The following TPTE variants were observed in gnomAD, a reference collection of about 807,000 sequenced individuals.
TPTE encodes transmembrane phosphatase with tensin homology.
A neutral mutation model predicts 84.1 loss-of-function variants in TPTE; 59 were observed. The ratio of observed to expected loss-of-function variants is 0.70; its 90% confidence interval spans 0.57 to 0.87. The LOEUF is 0.87. Ranked by LOEUF, TPTE falls within the 40% of genes least tolerant of loss-of-function variation. The pLI is 0.00. For synonymous variants in TPTE, 130 were observed against 223.5 expected (o/e 0.58, Z 3.73); for missense variants, 382 against 659.6 (o/e 0.58, Z 4.61).
intron 9 of TPTE, among the ~76,000 whole-genome samples, chr21:10,560,247 A>C (rs2074770327): frequency 1.3e-5 from 2 of 152,430 alleles, no homozygotes; most frequent in South Asian, 4.1e-4. Flanking sequence ...TTACTCTTTA[A>C]TTCTGGAAAC....
chr21:10,531,304 C>T (rs1304847546), intron 3 of TPTE, among the ~76,000 whole-genome samples: 1 of 152,306 alleles, frequency 6.6e-6, no homozygotes, highest in Admixed American at 6.5e-5. Flanking sequence ...TGAGTGAGTA[C>T]TCACTCTATT....
chr21:10,564,604 A>C (rs2074878382), intron 10 of TPTE, among the ~76,000 whole-genome samples: 1 of 152,298 alleles, frequency 6.6e-6, no homozygotes, highest in South Asian at 2.1e-4. Context: ...AATCCTCAAC[A>C]AGATACTAGA....
intron 10 of TPTE, among the ~76,000 whole-genome samples, chr21:10,562,352 A>G (rs1226731258): frequency 3.3e-3 from 500 of 152,116 alleles, no homozygotes; most frequent in African/African-American, 0.011. Context: ...CCCAGACACC[A>G]AAGAACATCT....
intron 20 of TPTE, among the ~76,000 whole-genome samples, chr21:10,597,287 G>A (rs1317478829): frequency 2.2e-4 from 33 of 152,266 alleles, no homozygotes; most frequent in Admixed American, 5.9e-4. Flanking sequence ...TTAAAGTAGG[G>A]CCAAAGTACT....
chr21:10,601,506 AAAAAG>A (rs1167760650), intron 21 of TPTE, among the ~76,000 whole-genome samples: 5 of 152,280 alleles, frequency 3.3e-5, no homozygotes, highest in African/African-American at 7.2e-5. Flanking sequence ...CAAACAAAAA[AAAAAG>A]AAAAGAAAAG....
intron 5 of TPTE, among the ~76,000 whole-genome samples, chr21:10,541,478 G>GGAA (rs1488705131): frequency 6.8e-6 from 1 of 147,728 alleles, no homozygotes; most frequent in Non-Finnish European, 1.5e-5. Context: ...TTGCAAAAAT[G>GGAA]AAAAAAAAAA....
chr21:10,536,764 G>A (rs560959723), intron 3 of TPTE, among the ~76,000 whole-genome samples: 9 of 152,418 alleles, frequency 5.9e-5, no homozygotes, highest in African/African-American at 1.9e-4. Flanking sequence ...AAGGAACAGG[G>A]CAAAAAAGGG....
intron 17 of TPTE, among the ~76,000 whole-genome samples, chr21:10,587,454 G>A (rs527326766): frequency 9.2e-5 from 14 of 152,404 alleles, no homozygotes; most frequent in Middle Eastern, 3.4e-3. Flanking sequence ...TCACTTATGA[G>A]TGAGAACATA....
At chr21:10,572,306 C>A (rs1321726473) in intron 14 of TPTE, among the ~76,000 whole-genome samples, 1 of 152,270 alleles carries the variant, frequency 6.6e-6, no homozygotes, top group East Asian at 1.9e-4. Context: ...AAAAAAATTA[C>A]CTGGGTGTGG....
chr21:10,549,264 C>G (rs541791712), intron 7 of TPTE, among the ~76,000 whole-genome samples: 1 of 152,416 alleles, frequency 6.6e-6, no homozygotes, highest in African/African-American at 2.4e-5. Context: ...GAAAAGGTGA[C>G]TTTTTCACCA....
rs147105244 is a variant in TPTE at position 10,598,093 on chromosome 21, C to T, written c.1355C>T (p.Ser452Leu). ...VFSTISLGKC[S>L]VLDNITTDKI... is the part of the protein sequence containing the mutation. The stretch of plus-strand genomic sequence containing the variant: ...TCCACTATTTCATTAGGAAAATGTT[C>T]GGTAAGAGAAAACATGTGAATTGAA... Residue 452 changes from serine (S) to leucine (L), a missense_variant and splice_region_variant, in exon 21 of 24, where the codon TCG (serine) becomes TTG (leucine). Physicochemically the swap from Ser to Leu is moderately radical, Grantham distance 145. This residue lies in a region of TPTE where 13 missense variants were observed against 46.7 expected (regional missense o/e 0.28). Transcript: ENST00000618007. 7.1e-4 allele frequency: 1,150 copies of T among 1,609,896 alleles called. No homozygotes were observed. The South Asian group carries it at 7.6e-3, about 11-fold the overall frequency.
chr21:10,605,409 ATTCTT>A lies in TPTE; in HGVS notation c.1521-7_1521-3del, dbSNP rs1352442524. 2 of 1,613,056 alleles carry A rather than the reference ATTCTT, an allele frequency of 1.2e-6. No homozygotes were observed. The highest frequency in any genetic ancestry group is 1.7e-6 in the Non-Finnish European group (2 of 1,179,624). Reference sequence around the variant, plus strand: ...ATATAAAATGTAATAATTTTTTTCTATTCTTAGGCTTTATCTACCAAAAAATGAAT... The same window carrying A: ...ATATAAAATGTAATAATTTTTTTCTAAGGCTTTATCTACCAAAAAATGAAT... On this transcript the variant is annotated splice_polypyrimidine_tract_variant and splice_region_variant and intron_variant, in intron 23 of 23. Coordinates refer to ENST00000618007, the MANE Select transcript of TPTE (RefSeq NM_199261.4).
At chr21:10,572,325 A>G (rs1222262700) in intron 14 of TPTE, among the ~76,000 whole-genome samples, 1 of 152,172 alleles carries the variant, frequency 6.6e-6, no homozygotes, top group Non-Finnish European at 1.5e-5. Flanking sequence ...GGTGGCGTGA[A>G]CCTGTAGTTC....
chr21:10,527,795 C>T (rs1352465034), intron 3 of TPTE, among the ~76,000 whole-genome samples: 1 of 152,306 alleles, frequency 6.6e-6, no homozygotes, highest in Non-Finnish European at 1.5e-5. Context: ...AACTCAAAGC[C>T]ATCATCACAT....
At chr21:10,525,501 TA>T (rs1489684747) in intron 2 of TPTE, among the ~76,000 whole-genome samples, 3 of 152,310 alleles carry the variant, frequency 2.0e-5, no homozygotes, top group Non-Finnish European at 4.4e-5. Flanking sequence ...GAAGCTTATA[TA>T]CTGTGTCTGC....
At chr21:10,578,160 C>T (rs1179719001) in intron 15 of TPTE, among the ~76,000 whole-genome samples, 177 bp from the exon 16 acceptor site, 2 of 152,222 alleles carry the variant, frequency 1.3e-5, no homozygotes. Context: ...GGATAAACCA[C>T]TACCATCCTT....
intron 17 of TPTE, among the ~76,000 whole-genome samples, chr21:10,584,782 T>C (rs1236654155): frequency 6.6e-6 from 1 of 152,310 alleles, no homozygotes; most frequent in African/African-American, 2.4e-5. Flanking sequence ...GCTAGAACAT[T>C]CAGTACAGTG....
At position 10,569,509 on chromosome 21, in the gene TPTE, A is replaced by T. The variant is rs748685215; in HGVS notation, c.639A>T (p.Arg213Ser). 5 of 1,613,802 alleles carry T rather than the reference A, an allele frequency of 3.1e-6. No homozygotes were observed. In the African/African-American group the frequency reaches 6.7e-5, roughly 22 times the overall value. The change falls in exon 12 of 24, where the codon AGA becomes AGT. Residue 213 changes from arginine (R) to serine (S), a missense_variant. Coordinates refer to ENST00000618007, the MANE Select transcript of TPTE (RefSeq NM_199261.4). ...LRIFHLFHQK[R>S]QLEKLIRRRV... ...TTTTTCATCTGTTTCATCAAAAAAG[A>T]CAACTTGAAAAGCTGATAAGAAGGC...
chr21:10,529,712 G>A (rs568674283), intron 3 of TPTE, among the ~76,000 whole-genome samples: 565 of 152,122 alleles, frequency 3.7e-3, no homozygotes, highest in Middle Eastern at 0.017. Flanking sequence ...TGGTTGAGAG[G>A]TATTGCCAGA....
Sources: allele counts gnomAD v4.1 joint callset (sites outside exome capture counted in the v4.1 genomes callset), GRCh38; gene constraint gnomAD v4.1.1; regional missense constraint gnomAD v4.1.1; transcripts MANE v1.5; gene names NCBI Gene and HGNC (gene_info 2026-07-23, HGNC 2026-07-21).